The following COG5 variants were observed in gnomAD, a reference collection of about 807,000 sequenced individuals.
COG5 encodes the protein component of oligomeric golgi complex 5.
Under a neutral mutation model 110.4 loss-of-function variants are expected in COG5, and 86 were observed. That is an observed-to-expected ratio of 0.78 (90% CI 0.65 to 0.93). The LOEUF (loss-of-function observed/expected upper bound fraction) is 0.93, where lower values mean the gene tolerates loss of function less well. Among genes scored for constraint, COG5 ranks in the 40% least tolerant of loss-of-function variants. The probability of loss-of-function intolerance (pLI) is 0.00; values close to 1 mark genes in which losing one functional copy is unlikely to be tolerated. For missense variants in COG5, 1,077 were observed against 987.0 expected (o/e 1.09, Z -1.22); for synonymous variants, 360 against 334.6 (o/e 1.08, Z -0.83).
At chr7:107,222,395 A>G (rs1800002872) in intron 19 of COG5, among the ~76,000 whole-genome samples, 1 of 152,116 alleles carries the variant, frequency 6.6e-6, no homozygotes. Flanking sequence ...TAGTAGAGAC[A>G]GGATTTCACT....
intron 16 of COG5, among the ~76,000 whole-genome samples, chr7:107,255,587 T>C (rs993414205): frequency 8.5e-5 from 13 of 152,084 alleles, no homozygotes; most frequent in Admixed American, 5.3e-4. Context: ...TAAATATGTG[T>C]TTCTCCATAG....
intron 21 of COG5, 51 bp downstream of exon 21, chr7:107,210,475 C>G: frequency 6.4e-7 from 1 of 1,559,634 alleles, no homozygotes; most frequent in Non-Finnish European, 8.7e-7. Flanking sequence ...GCATCCCCAC[C>G]CTCCTTGGGC....
intron 5 of COG5, among the ~76,000 whole-genome samples, chr7:107,541,237 T>C (rs901555712): frequency 6.6e-6 from 1 of 151,202 alleles, no homozygotes; most frequent in Admixed American, 6.6e-5. Context: ...TGGCTCATAC[T>C]TGTAATTCCA....
chr7:107,294,539 C>A (rs1442855862), intron 12 of COG5, among the ~76,000 whole-genome samples: 1 of 151,952 alleles, frequency 6.6e-6, no homozygotes, highest in East Asian at 1.9e-4. Context: ...TCAATGGTTT[C>A]TCACTTTATT....
At chr7:107,208,727 G>A (rs1213008003) in intron 21 of COG5, 4 of 985,318 alleles carry the variant, frequency 4.1e-6, no homozygotes, top group South Asian at 4.7e-5. Flanking sequence ...CAAGGAAAAA[G>A]AGCAGGGTCC....
chr7:107,429,160 G>C (rs1793847841), intron 6 of COG5, among the ~76,000 whole-genome samples: 1 of 152,110 alleles, frequency 6.6e-6, no homozygotes, highest in African/African-American at 2.4e-5. Context: ...AAATATTTTA[G>C]CTGTCCCTTA....
intron 17 of COG5, among the ~76,000 whole-genome samples, chr7:107,243,747 A>G (rs1418521225): frequency 6.6e-6 from 1 of 152,104 alleles, no homozygotes; most frequent in East Asian, 1.9e-4. Flanking sequence ...CACATACACT[A>G]ATATTGACCT....
intron 6 of COG5, among the ~76,000 whole-genome samples, chr7:107,473,386 CT>C (rs1796757924): frequency 6.6e-6 from 1 of 151,890 alleles, no homozygotes; most frequent in Non-Finnish European, 1.5e-5. Flanking sequence ...AGTTTGCCAA[CT>C]GCAAAGTTCA....
Position 107,474,041 on chromosome 7 carries a change from A to C in COG5, c.538+53196T>G. 6.4e-6 allele frequency: 9 copies of C among 1,406,022 alleles called. No homozygotes were observed. Among genetic ancestry groups the C allele is most frequent in the Non-Finnish European group, 8.8e-6 (9 of 1,026,306 alleles). The allele number at this position is 1,406,022 out of a possible 1,614,324, so 87.1% of individuals were successfully genotyped here. ...ATTCTATTTCACTTTCTAGGGAAAA[A>C]AACCAACTGCTCCAAAAGAATGTGT... On this transcript the variant is annotated intron_variant, in intron 6 of 21. Coordinates refer to ENST00000297135, the MANE Select transcript of COG5 (RefSeq NM_006348.5). The surrounding 1 kb of genome is among the most constrained non-coding windows in gnomAD (Gnocchi z 5.7).
chr7:107,338,418 T>C (rs1398983277), intron 10 of COG5, among the ~76,000 whole-genome samples: 8 of 152,112 alleles, frequency 5.3e-5, no homozygotes, highest in Non-Finnish European at 1.0e-4. Context: ...CTTCAATAAA[T>C]GCTACTGGGA....
intron 5 of COG5, among the ~76,000 whole-genome samples, chr7:107,528,104 T>C (rs997417060): frequency 2.0e-5 from 3 of 152,028 alleles, no homozygotes; most frequent in Non-Finnish European, 4.4e-5. Context: ...CTTTTTTTTT[T>C]TTTTGAGAAC....
intron 13 of COG5, among the ~76,000 whole-genome samples, chr7:107,282,608 G>A (rs1167121007): frequency 1.3e-5 from 2 of 152,060 alleles, no homozygotes; most frequent in Non-Finnish European, 2.9e-5. Flanking sequence ...TGCAGCCTTC[G>A]CCTCCCGGAT....
chr7:107,297,466 T>TTTTTTTG (rs71680536), intron 12 of COG5, among the ~76,000 whole-genome samples: 1 of 146,932 alleles, frequency 6.8e-6, no homozygotes, highest in Non-Finnish European at 1.5e-5. Flanking sequence ...TTTTTTTTTT[T>TTTTTTTG]GAGACGGAGT....
At chr7:107,465,911 A>G (rs962873552) in intron 6 of COG5, among the ~76,000 whole-genome samples, 17 of 152,304 alleles carry the variant, frequency 1.1e-4, no homozygotes, top group Non-Finnish European at 2.5e-4. Flanking sequence ...CCAGCACAGC[A>G]TAAGAGTCAT....
intron 10 of COG5, among the ~76,000 whole-genome samples, chr7:107,349,794 G>A (rs1338951668): frequency 6.6e-6 from 1 of 152,174 alleles, no homozygotes; most frequent in Non-Finnish European, 1.5e-5. Flanking sequence ...TCCTGACCTG[G>A]TGATCTGCCC....
intron 19 of COG5, among the ~76,000 whole-genome samples, chr7:107,220,222 A>G (rs138936437): frequency 3.0e-4 from 45 of 152,318 alleles, no homozygotes; most frequent in African/African-American, 1.1e-3. Context: ...AGAAAGCACA[A>G]TTTTGAACTG....
At position 107,253,797 on chromosome 7, in the gene COG5, A is replaced by C. The variant is rs1056162804; in HGVS notation, c.1749+2935T>G. Among the ~76,000 whole-genome samples, 68 of 152,118 alleles carry C rather than the reference A, an allele frequency of 4.5e-4. 1 individual carries two copies. The highest frequency in any genetic ancestry group is 1.6e-3 in the African/African-American group (67 of 41,522). Reference sequence around the variant, plus strand: ...CTCCTGGCTGTTCTGTGACTATTACAAGCCTGTCCAATTCAGGTCTCTATT... The same window carrying C: ...CTCCTGGCTGTTCTGTGACTATTACCAGCCTGTCCAATTCAGGTCTCTATT... On this transcript the variant is annotated intron_variant, in intron 16 of 21. Transcript: ENST00000297135.
At chr7:107,527,161 A>T (rs1584933725) in intron 6 of COG5, 76 bp downstream of exon 6, 1 of 1,361,640 alleles carries the variant, frequency 7.3e-7, no homozygotes, top group Admixed American at 2.3e-5. Context: ...GGTGATAACA[A>T]AAGTCAACCA....
intron 19 of COG5, among the ~76,000 whole-genome samples, chr7:107,226,169 C>T (rs939454515): frequency 1.3e-5 from 2 of 152,096 alleles, no homozygotes; most frequent in Admixed American, 1.3e-4. Context: ...AATAATATTA[C>T]TGTTAATGTC....
Sources: gnomAD v4.1 joint callset for allele counts (sites outside exome capture counted in the v4.1 genomes callset) on GRCh38, gnomAD v4.1.1 for gene constraint, Gnocchi (gnomAD v3.1) non-coding constraint, MANE v1.5 for transcripts, NCBI Gene and HGNC (gene_info 2026-07-23, HGNC 2026-07-21) for gene names.